The following ABCA1 variants were observed in gnomAD, a reference collection of about 807,000 sequenced individuals.
ABCA1 encodes phospholipid-transporting ATPase ABCA1.
Under a neutral mutation model 262.5 loss-of-function variants are expected in ABCA1, and 133 were observed. The observed-to-expected ratio is 0.51, with a 90% CI of 0.44 to 0.59. ABCA1 has a LOEUF of 0.59. Among genes scored for constraint, ABCA1 ranks in the 20% least tolerant of loss-of-function variants. The probability of loss-of-function intolerance (pLI) is 0.00; values close to 1 mark genes in which losing one functional copy is unlikely to be tolerated. For synonymous variants in ABCA1, 1,022 were observed against 1,043.5 expected (o/e 0.98, Z 0.40); for missense variants, 2,452 against 2,777.5 (o/e 0.88, Z 2.63).
chr9:104,843,714 CT>C (rs1339523939), intron 8 of ABCA1, among the ~76,000 whole-genome samples: 1 of 152,212 alleles, frequency 6.6e-6, no homozygotes, highest in Non-Finnish European at 1.5e-5. Flanking sequence ...CTCCCTTTTT[CT>C]TTTCCTTTCA....
chr9:104,890,869 T>C (rs1007027537), intron 2 of ABCA1, among the ~76,000 whole-genome samples: 15 of 152,206 alleles, frequency 9.9e-5, no homozygotes, highest in Non-Finnish European at 1.6e-4. Context: ...ATCACCTTAA[T>C]CCTACCTCCC....
chr9:104,848,055 T>C (rs923540006), intron 7 of ABCA1, among the ~76,000 whole-genome samples: 1 of 152,206 alleles, frequency 6.6e-6, no homozygotes, highest in African/African-American at 2.4e-5. Context: ...CACACACACA[T>C]ATACATCTTT....
At chr9:104,837,887 A>G (rs2515602) in intron 9 of ABCA1, among the ~76,000 whole-genome samples, 72,101 of 152,100 alleles carry the variant, frequency 0.47, 19,686 homozygotes, top group East Asian at 0.79. Flanking sequence ...AAATGTTTTC[A>G]TGAAGCACAA....
At chr9:104,786,760 A>C in intron 47 of ABCA1, 113 bp downstream of exon 47, 1 of 1,007,378 alleles carries the variant, frequency 9.9e-7, no homozygotes, top group South Asian at 1.3e-5. Context: ...TTCAGGTAAT[A>C]ATTGTTTTAC....
intron 36 of ABCA1, chr9:104,799,343 T>C (rs1830140997): frequency 1.5e-6 from 1 of 669,122 alleles, no homozygotes; most frequent in Admixed American, 6.4e-5. Context: ...CCCAGATCTG[T>C]ATGACTCCAA....
chr9:104,800,472 T>A (rs748220734), intron 35 of ABCA1, 38 bp downstream of exon 35: 9 of 1,579,946 alleles, frequency 5.7e-6, no homozygotes, highest in Non-Finnish European at 7.8e-6. Flanking sequence ...AGGATTATTG[T>A]TCATCAAAAA....
intron 34 of ABCA1, 53 bp from the exon 35 acceptor site, chr9:104,800,637 C>A: frequency 6.5e-7 from 1 of 1,531,152 alleles, no homozygotes; most frequent in Admixed American, 1.7e-5. Flanking sequence ...AGATAAGGGG[C>A]AACAGTCAAT....
chr9:104,837,566 A>T lies in ABCA1; in HGVS notation c.1056T>A (p.Thr352=). The part of the protein sequence containing the change: ...DAETFYDNST[T]PYCNDLMKNL... ...TCTTCATCAAATCATTGCAGTAAGG[A>T]GCTATGAAGAAGAGGAGAGACAAAT... Residue 352 remains threonine, a splice_region_variant and synonymous_variant, in exon 10 of 50, where the codon ACT becomes ACA. Transcript: ENST00000374736. 1 of 1,614,018 alleles carries T rather than the reference A, an allele frequency of 6.2e-7. No individual in the cohort carries two copies.
At position 104,837,037 on chromosome 9, in the gene ABCA1, T is replaced by A; in HGVS notation, c.1254A>T (p.Glu418Asp). ...VFHDLEGMWE[E>D]LSPKIWTFME... ...TGAAGGTCCAGATCTTGGGGCTGAG[T>A]TCCTCCCACATGCCTTCCAGATCAT... The change falls in exon 11 of 50, where the codon GAA becomes GAT. Residue 418 changes from glutamate (E) to aspartate (D), a missense_variant. By Grantham distance (45) the Glu-to-Asp change is conservative (BLOSUM62 2). Around this residue, in one of 4 missense-constraint regions of ABCA1, gnomAD observed 1,032 missense variants for 1,089.7 expected, o/e 0.95. Coordinates refer to ENST00000374736, the MANE Select transcript of ABCA1 (RefSeq NM_005502.4). 6.2e-7 allele frequency: 1 copy of A among 1,614,112 alleles called. No homozygotes were observed. Among genetic ancestry groups the A allele is most frequent in the East Asian group, 2.2e-5 (1 of 44,880 alleles).
chr9:104,855,600 TG>T, intron 7 of ABCA1: 2 of 1,346,792 alleles, frequency 1.5e-6, no homozygotes, highest in Non-Finnish European at 2.0e-6. Flanking sequence ...GCACCTATTG[TG>T]TGCCAGGCCC....
intron 46 of ABCA1, 50 bp downstream of exon 46, chr9:104,787,870 G>A: frequency 6.2e-7 from 1 of 1,613,782 alleles, no homozygotes; most frequent in Non-Finnish European, 8.5e-7. Context: ...GAACAGTCAT[G>A]TTTTCCACTC....
chr9:104,873,175 A>G (rs889059990), intron 5 of ABCA1, among the ~76,000 whole-genome samples: 1 of 152,262 alleles, frequency 6.6e-6, no homozygotes. Flanking sequence ...GTGCATACAT[A>G]CAGAACGTGA....
In ABCA1 at chr9:104,889,046, T is replaced by C. The variant is rs73504171; in HGVS notation, c.160+56A>G. 1,729 of 1,486,910 alleles carry C rather than the reference T, an allele frequency of 1.2e-3. 19 individuals are homozygous for C. In the African/African-American group the frequency reaches 0.02, roughly 17 times the overall value. 92.1% of individuals were successfully genotyped at this position (1,486,910 alleles called of 1,614,324 possible). A position where few individuals can be genotyped will look rare whatever the true frequency, so the allele number is the denominator to read the frequency against. ...AAAAGTCCAATTTAGCCCACGTTAA[T>C]TGCCTGGATTTTCCCTGCCATTGGT... On this transcript the variant is annotated intron_variant, in intron 3 of 49. Transcript: ENST00000374736.
intron 34 of ABCA1, 60 bp from the exon 35 acceptor site, chr9:104,800,644 C>A: frequency 6.7e-7 from 1 of 1,487,004 alleles, no homozygotes; most frequent in South Asian, 1.1e-5. Flanking sequence ...GGGCAACAGT[C>A]AATCTGGAAC....
Position 104,787,502 on chromosome 9 carries a change from A to T in ABCA1, c.6204+418T>A, listed in dbSNP as rs369647824. On this transcript the variant is annotated intron_variant, in intron 46 of 49. Transcript: ENST00000374736. ...AATGCTCTTATCTACAGAAGAAAAA[A>T]GGTCAAGGGCCACTTCCCAGTCTGA... is the stretch of plus-strand genomic sequence containing the variant. Among the ~76,000 whole-genome samples the T allele has an allele frequency of 7.2e-5, 11 of 152,340 alleles. No homozygotes were observed. In the South Asian group the frequency reaches 1.0e-3, roughly 14 times the overall value.
chr9:104,796,165 G>A lies in ABCA1; in HGVS notation c.5270C>T (p.Ser1757Phe). The change falls in exon 39 of 50, where the codon TCC becomes TTC. Residue 1757 changes from serine to phenylalanine, a missense_variant. Physicochemically the swap from Ser to Phe is radical, Grantham distance 155. Around this residue, in one of 4 missense-constraint regions of ABCA1, gnomAD observed 752 missense variants for 944.5 expected, o/e 0.80. Coordinates refer to ENST00000374736, the MANE Select transcript of ABCA1 (RefSeq NM_005502.4). ...TGTGCTGGGGATCTTGAACACAAAG[G>A]AGGCTGGGTACATGAGAGGTGTGAT... ...WSITPLMYPASFVFKIPSTAY... is the reference protein window; with the variant it reads ...WSITPLMYPAFFVFKIPSTAY... The A allele has an allele frequency of 6.2e-7, 1 of 1,614,130 alleles. No individual in the cohort carries two copies. The highest frequency in any genetic ancestry group is 8.5e-7 in the Non-Finnish European group (1 of 1,180,038).
chr9:104,851,325 C>A (rs539228786), intron 7 of ABCA1, among the ~76,000 whole-genome samples: 3 of 152,310 alleles, frequency 2.0e-5, no homozygotes, highest in Admixed American at 1.3e-4. Flanking sequence ...GGCCCTATAT[C>A]CTCACATGGC....
chr9:104,825,964 C>T (rs1347810436), intron 16 of ABCA1, 77 bp from the exon 17 acceptor site: 4 of 1,510,778 alleles, frequency 2.6e-6, no homozygotes, highest in South Asian at 2.3e-5. Flanking sequence ...GTAAATTATA[C>T]CTGGAGAAAT....
chr9:104,842,445 T>A (rs1390912846), intron 8 of ABCA1, among the ~76,000 whole-genome samples: 3 of 152,026 alleles, frequency 2.0e-5, no homozygotes, highest in Non-Finnish European at 4.4e-5. Flanking sequence ...AAAAAAAAAA[T>A]TTCTTCCCAC....
Sources: allele counts gnomAD v4.1 joint callset (sites outside exome capture counted in the v4.1 genomes callset), GRCh38; gene constraint gnomAD v4.1.1; regional missense constraint gnomAD v4.1.1; transcripts MANE v1.5; gene names NCBI Gene and HGNC (gene_info 2026-07-23, HGNC 2026-07-21).